The following LRRTM4 variants were observed in gnomAD, a reference collection of about 807,000 sequenced individuals.
The protein encoded by LRRTM4 is leucine rich repeat transmembrane neuronal 4.
LRRTM4 carries 25 observed loss-of-function variants against 47.6 expected under a neutral mutation model. That is an observed-to-expected ratio of 0.53 (90% confidence interval 0.38 to 0.73). The LOEUF (loss-of-function observed/expected upper bound fraction) is 0.73, where lower values mean the gene tolerates loss of function less well. Ranked by LOEUF, LRRTM4 falls within the 30% of genes least tolerant of loss-of-function variation. LRRTM4 has a pLI of 0.00. For missense variants in LRRTM4, 638 were observed against 713.4 expected, an observed-to-expected ratio of 0.89 and a Z score of 1.20; for synonymous variants, 311 against 269.5, an observed-to-expected ratio of 1.15 and a Z score of -1.51.
intron 3 of LRRTM4, among the ~76,000 whole-genome samples, chr2:77,110,934 T>C (rs1671231349): frequency 6.6e-6 from 1 of 152,194 alleles, no homozygotes; most frequent in Non-Finnish European, 1.5e-5. Context: ...ACACTAAGCT[T>C]TTGCTTTTGT....
At chr2:77,121,720 A>G (rs772344492) in intron 3 of LRRTM4, among the ~76,000 whole-genome samples, 3 of 151,848 alleles carry the variant, frequency 2.0e-5, no homozygotes, top group Non-Finnish European at 3.0e-5. Flanking sequence ...CTGTAGTCCA[A>G]TTTCCCTAGG....
intron 3 of LRRTM4, among the ~76,000 whole-genome samples, chr2:76,757,171 A>G (rs1673062803): frequency 6.6e-6 from 1 of 152,068 alleles, no homozygotes; most frequent in Non-Finnish European, 1.5e-5. Context: ...AACACACTAG[A>G]TGTTGGCTTT....
intron 3 of LRRTM4, among the ~76,000 whole-genome samples, chr2:77,113,924 C>A (rs191430773): frequency 6.6e-4 from 100 of 152,070 alleles, no homozygotes; most frequent in Non-Finnish European, 7.9e-4. Context: ...TATTCGGGGC[C>A]GCGGAAGCTG....
chr2:77,158,340 C>G (rs1672618007), intron 3 of LRRTM4, among the ~76,000 whole-genome samples: 1 of 152,124 alleles, frequency 6.6e-6, no homozygotes, highest in Non-Finnish European at 1.5e-5. Context: ...ACAGATGTAT[C>G]AAATTTTACA....
intron 3 of LRRTM4, among the ~76,000 whole-genome samples, chr2:77,455,786 G>C (rs905264974): frequency 1.4e-4 from 22 of 151,972 alleles, no homozygotes; most frequent in African/African-American, 4.8e-4. Context: ...CCTTCTACAT[G>C]CATAGATGTA....
At chr2:77,000,045 G>C (rs1677358138) in intron 3 of LRRTM4, among the ~76,000 whole-genome samples, 1 of 151,408 alleles carries the variant, frequency 6.6e-6, no homozygotes, top group African/African-American at 2.5e-5. Flanking sequence ...ACTGAAGGTA[G>C]ACTGAAAAAT....
chr2:76,995,010 A>G (rs1434316180), intron 3 of LRRTM4, among the ~76,000 whole-genome samples: 2 of 152,016 alleles, frequency 1.3e-5, no homozygotes, highest in African/African-American at 4.8e-5. Context: ...GGTAGACCTC[A>G]GAGTTGAATC....
intron 3 of LRRTM4, among the ~76,000 whole-genome samples, chr2:77,057,573 G>T (rs549249957): frequency 2.9e-4 from 44 of 152,130 alleles, no homozygotes; most frequent in African/African-American, 1.0e-3. Context: ...TGGCTCTTTT[G>T]ATTTCAAGAA....
At chr2:77,098,600 T>C (rs934280173) in intron 3 of LRRTM4, among the ~76,000 whole-genome samples, 1 of 151,988 alleles carries the variant, frequency 6.6e-6, no homozygotes, top group East Asian at 1.9e-4. Flanking sequence ...AAATATTGCT[T>C]CCATAAGACA....
Position 77,454,650 on chromosome 2 carries a change from A to AC in LRRTM4, c.1551+63667_1551+63668insG, listed in dbSNP as rs570060836. Among the ~76,000 whole-genome samples the AC allele has an allele frequency of 3.9e-5, 6 of 152,330 alleles. No individual in the cohort carries two copies. In the South Asian group the frequency reaches 6.2e-4, roughly 16 times the overall value. ...CAGAGTACTATGGACATAATCCAGT[A>AC]AATGTCACAGAAATAAAAGGGTTTT... On this transcript the variant is annotated intron_variant, in intron 3 of 3. Coordinates refer to ENST00000409884, the MANE Select transcript of LRRTM4 (RefSeq NM_001134745.3).
At chr2:77,203,298 C>G (rs1382244205) in intron 3 of LRRTM4, among the ~76,000 whole-genome samples, 2 of 152,028 alleles carry the variant, frequency 1.3e-5, no homozygotes, top group African/African-American at 4.8e-5. Context: ...AAACAAGCGT[C>G]CAAACAAACC....
intron 3 of LRRTM4, among the ~76,000 whole-genome samples, chr2:77,456,321 A>T (rs1011724334): frequency 1.3e-5 from 2 of 152,136 alleles, no homozygotes; most frequent in African/African-American, 4.8e-5. Context: ...TAATTCAAAG[A>T]AAAATAATTA....
At chr2:77,195,477 T>C (rs980810177) in intron 3 of LRRTM4, among the ~76,000 whole-genome samples, 2 of 152,060 alleles carry the variant, frequency 1.3e-5, no homozygotes, top group African/African-American at 4.8e-5. Context: ...TATCACCTAC[T>C]ACAAAGAACT....
intron 3 of LRRTM4, among the ~76,000 whole-genome samples, chr2:76,814,668 C>G (rs1420332093): frequency 6.6e-6 from 1 of 151,974 alleles, no homozygotes; most frequent in Middle Eastern, 3.4e-3. Flanking sequence ...GTAAATACTA[C>G]CCCATTTTAT....
At chr2:77,019,545 A>G (rs950070610) in intron 3 of LRRTM4, among the ~76,000 whole-genome samples, 3 of 152,130 alleles carry the variant, frequency 2.0e-5, no homozygotes, top group Admixed American at 1.3e-4. Flanking sequence ...TACAATGAGG[A>G]AATAAATTTA....
chr2:77,412,119 A>C (rs1488956403), intron 3 of LRRTM4, among the ~76,000 whole-genome samples: 1 of 152,076 alleles, frequency 6.6e-6, no homozygotes, highest in Non-Finnish European at 1.5e-5. Flanking sequence ...TTTGATTTGC[A>C]TTATTCGTAA....
At chr2:77,215,538 T>C (rs1674412725) in intron 3 of LRRTM4, among the ~76,000 whole-genome samples, 4 of 152,158 alleles carry the variant, frequency 2.6e-5, no homozygotes, top group Admixed American at 2.6e-4. Flanking sequence ...TAACTATTCT[T>C]GGTATCTCCT....
intron 3 of LRRTM4, among the ~76,000 whole-genome samples, chr2:76,948,377 C>T (rs1254808705): frequency 6.6e-6 from 1 of 151,652 alleles, no homozygotes. Context: ...AAATGTCTTG[C>T]CTTTTAGTGT....
intron 3 of LRRTM4, among the ~76,000 whole-genome samples, chr2:76,793,835 T>C (rs1386294871): frequency 6.6e-6 from 1 of 152,218 alleles, no homozygotes; most frequent in African/African-American, 2.4e-5. Flanking sequence ...CAAACACCTG[T>C]GTTGCTGTAA....
Sources: allele counts gnomAD v4.1 joint callset (sites outside exome capture counted in the v4.1 genomes callset), GRCh38; gene constraint gnomAD v4.1.1; transcripts MANE v1.5; gene names NCBI Gene and HGNC (gene_info 2026-07-23, HGNC 2026-07-21).